Variants in NDUFAF5 observed in about 807,000 individuals in gnomAD.
The protein encoded by NDUFAF5 is arginine-hydroxylase NDUFAF5, mitochondrial.
Under a neutral mutation model 48.9 loss-of-function variants are expected in NDUFAF5, and 34 were observed. The observed-to-expected ratio is 0.70, with a 90% CI of 0.53 to 0.93. The LOEUF (loss-of-function observed/expected upper bound fraction) is 0.93. Among genes scored for constraint, NDUFAF5 ranks in the 40% least tolerant of loss-of-function variants. NDUFAF5 has a pLI of 0.00. For synonymous variants in NDUFAF5, 153 were observed against 150.6 expected, an observed-to-expected ratio of 1.02 and a Z score of -0.12; for missense variants, 428 against 427.5, an observed-to-expected ratio of 1.00 and a Z score of -0.01.
At position 13,788,762 on chromosome 20, in the gene NDUFAF5, C is replaced by G. The variant is rs1981669149; in HGVS notation, c.327+110C>G. ...CAACATATTTAGATTTTAATTATAT[C>G]AGAATTGTTAATTTGTTTTTTTTTT... is the stretch of plus-strand genomic sequence containing the variant. On this transcript the variant is annotated intron_variant, in intron 3 of 10. Coordinates refer to ENST00000378106, the MANE Select transcript of NDUFAF5 (RefSeq NM_024120.5). 1.0e-5 allele frequency: 7 copies of G among 696,902 alleles called. No homozygotes were observed. In the South Asian group the frequency reaches 1.2e-4, roughly 12 times the overall value. 43.2% of individuals were successfully genotyped at this position (696,902 alleles called of 1,614,324 possible).
At chr20:13,798,432 T>G (rs745327774) in intron 5 of NDUFAF5, 29 bp from the exon 6 acceptor site, 2 of 1,573,586 alleles carry the variant, frequency 1.3e-6, no homozygotes, top group South Asian at 2.2e-5. Context: ...CCAGTTAAGC[T>G]AAAACAAATC....
In NDUFAF5 at chr20:13,785,267, A is replaced by G. The variant is rs1980783819; in HGVS notation, c.199A>G (p.Lys67Glu). The change falls in exon 1 of 11, where the codon AAA becomes GAA. Residue 67 changes from lysine to glutamate, a missense_variant. Transcript: ENST00000378106. ...NWAARQPEPT[K>E]FDYLKEEVGS... ...GGCAGCCCGGCAGCCCGAGCCGACCAAATTTGACTACCTGAAGGAGGAGGT... is the reference window on the plus strand; with the variant it reads ...GGCAGCCCGGCAGCCCGAGCCGACCGAATTTGACTACCTGAAGGAGGAGGT... The G allele has an allele frequency of 1.9e-6, 3 of 1,612,312 alleles. No individual in the cohort carries two copies. Among genetic ancestry groups the G allele is most frequent in the African/African-American group, 1.3e-5 (1 of 74,910 alleles).
At chr20:13,790,211 G>C (rs891213825) in intron 3 of NDUFAF5, among the ~76,000 whole-genome samples, 1 of 152,150 alleles carries the variant, frequency 6.6e-6, no homozygotes, top group Non-Finnish European at 1.5e-5. Context: ...AGAAATAAAG[G>C]CCTGCCACCC....
At chr20:13,812,572 T>G (rs1485286208) in intron 8 of NDUFAF5, among the ~76,000 whole-genome samples, 1 of 152,222 alleles carries the variant, frequency 6.6e-6, no homozygotes, top group African/African-American at 2.4e-5. Flanking sequence ...ACCTCTCTGT[T>G]GGAAAAAGTT....
chr20:13,814,054 A>T, intron 8 of NDUFAF5: 1 of 215,350 alleles, frequency 4.6e-6, no homozygotes, highest in Non-Finnish European at 9.5e-6. Context: ...TAACATGGTT[A>T]ATCTGTTTGT....
chr20:13,812,333 A>C (rs1185873261), intron 8 of NDUFAF5, among the ~76,000 whole-genome samples: 1 of 152,238 alleles, frequency 6.6e-6, no homozygotes, highest in African/African-American at 2.4e-5. Flanking sequence ...ACAGAGGATC[A>C]GTAATAAGTC....
intron 8 of NDUFAF5, among the ~76,000 whole-genome samples, chr20:13,811,962 A>G (rs1600386734): frequency 6.6e-6 from 1 of 152,214 alleles, no homozygotes; most frequent in Non-Finnish European, 1.5e-5. Flanking sequence ...GGATTATACA[A>G]ATAAGTATCT....
At chr20:13,799,698 CAAAAAAA>C (rs780212570) in intron 6 of NDUFAF5, among the ~76,000 whole-genome samples, 2 of 81,456 alleles carry the variant, frequency 2.5e-5, no homozygotes, top group Admixed American at 1.2e-4. Flanking sequence ...GACTCTGTCT[CAAAAAAA>C]AAAAAAAGAA....
At chr20:13,801,285 A>G (rs1298850265) in intron 6 of NDUFAF5, among the ~76,000 whole-genome samples, 1 of 152,138 alleles carries the variant, frequency 6.6e-6, no homozygotes, top group Non-Finnish European at 1.5e-5. Context: ...GTGAATGTAT[A>G]GTTGTCTTTC....
In NDUFAF5 at chr20:13,799,952, T is replaced by G. The variant is rs551774408; in HGVS notation, c.519+1452T>G. 6.2e-4 allele frequency among the ~76,000 whole-genome samples: 95 copies of G among 152,220 alleles called. 1 individual carries two copies. Among genetic ancestry groups the G allele is most frequent in the African/African-American group, 2.1e-3 (88 of 41,534 alleles). ...TTAGTAAAAGTAGGGGAAAGAATGT[T>G]AATGATCAGATAAAGGGAATAGAAA... On this transcript the variant is annotated intron_variant, in intron 6 of 10. Transcript: ENST00000378106.
rs1367352049 is a variant in NDUFAF5 at position 13,819,384 on chromosome 20, T to C, written c.*2174T>C. The C allele has an allele frequency of 6.6e-6, 1 of 152,254 alleles. No individual in the cohort carries two copies. The highest frequency in any genetic ancestry group is 1.5e-5 in the Non-Finnish European group (1 of 68,048). 9.4% of individuals were successfully genotyped at this position (152,254 alleles called of 1,614,324 possible). The stretch of plus-strand genomic sequence containing the variant: ...TTTTTATTTTTTATTTTATTTTATT[T>C]TTTGAGACGGAGTCTCGCTCTGTCT... On this transcript the variant is annotated 3_prime_UTR_variant, in exon 11 of 11. Coordinates refer to ENST00000378106, the MANE Select transcript of NDUFAF5 (RefSeq NM_024120.5).
intron 4 of NDUFAF5, among the ~76,000 whole-genome samples, 187 bp downstream of exon 4, chr20:13,793,414 C>A (rs578119329): frequency 6.6e-6 from 1 of 152,180 alleles, no homozygotes. Flanking sequence ...TCAGAGGCAA[C>A]CATTGGTGGC....
intron 7 of NDUFAF5, among the ~76,000 whole-genome samples, chr20:13,807,910 C>T (rs1379587619): frequency 6.6e-6 from 1 of 151,626 alleles, no homozygotes; most frequent in African/African-American, 2.4e-5. Context: ...GATCACACCA[C>T]TGCATTCCAG....
chr20:13,793,025 T>A, intron 3 of NDUFAF5, 155 bp from the exon 4 acceptor site: 1 of 749,634 alleles, frequency 1.3e-6, no homozygotes, highest in Non-Finnish European at 2.3e-6. Context: ...AGGATATGTG[T>A]TATTAAAAGT....
chr20:13,819,187 T>G lies in NDUFAF5; in HGVS notation c.*1977T>G, dbSNP rs895836237. 6.6e-6 allele frequency: 1 copy of G among 152,212 alleles called. No individual in the cohort carries two copies. The highest frequency in any genetic ancestry group is 2.4e-5 in the African/African-American group (1 of 41,456). 9.4% of individuals were successfully genotyped at this position (152,212 alleles called of 1,614,324 possible). A position where few individuals can be genotyped will look rare whatever the true frequency, so the allele number is the denominator to read the frequency against. On this transcript the variant is annotated 3_prime_UTR_variant, in exon 11 of 11. Transcript: ENST00000378106. Reference sequence around the variant, plus strand: ...TGGAAGTGTGCTATTAAGCTTTTATTGTTTGGAGCCCTCAGGAAACTAATT... The same window carrying G: ...TGGAAGTGTGCTATTAAGCTTTTATGGTTTGGAGCCCTCAGGAAACTAATT...
intron 8 of NDUFAF5, among the ~76,000 whole-genome samples, chr20:13,813,186 G>A (rs4813144): frequency 0.17 from 25,815 of 152,172 alleles, 2,857 homozygotes; most frequent in East Asian, 0.41. Context: ...CTGACCTCAG[G>A]TGATCCACCC....
intron 10 of NDUFAF5, 40 bp downstream of exon 10, chr20:13,816,997 G>A (rs368299312): frequency 1.5e-5 from 24 of 1,553,474 alleles, no homozygotes; most frequent in Non-Finnish European, 1.8e-5. Context: ...TAGTGGGTTC[G>A]TGTTCAGATT....
rs540537694 is a variant in NDUFAF5, at chr20:13,820,396, A to T, written c.*3186A>T. The T allele has an allele frequency of 6.6e-6, 1 of 152,082 alleles. No individual in the cohort carries two copies. The highest frequency in any genetic ancestry group is 6.6e-5 in the Admixed American group (1 of 15,232). The allele number at this position is 152,082 out of a possible 1,614,324, so 9.4% of individuals were successfully genotyped here. ...AATTACAGTATGACCTGCATTAAAG[A>T]CATGTACAGTTTTTTGGCCGGCTGC... is the stretch of plus-strand genomic sequence containing the variant. On this transcript the variant is annotated 3_prime_UTR_variant, in exon 11 of 11. Coordinates refer to ENST00000378106, the MANE Select transcript of NDUFAF5 (RefSeq NM_024120.5).
chr20:13,814,421 A>G, intron 8 of NDUFAF5: 1 of 1,286,152 alleles, frequency 7.8e-7, no homozygotes, highest in Non-Finnish European at 1.0e-6. Flanking sequence ...TTCACAGAAC[A>G]AAAGTCCAGA....
Sources: gnomAD v4.1 joint callset for allele counts (sites outside exome capture counted in the v4.1 genomes callset) on GRCh38, gnomAD v4.1.1 for gene constraint, MANE v1.5 for transcripts, NCBI Gene and HGNC (gene_info 2026-07-23, HGNC 2026-07-21) for gene names.